The following CSNK2A2IP variants were observed in gnomAD, a reference collection of about 807,000 sequenced individuals.
CSNK2A2IP encodes casein kinase 2 subunit alpha' interacting protein, also known as casein kinase II subunit alpha'-interacting protein.
At chr3:88,352,192 A>G in the CSNK2A2IP span, among the ~76,000 whole-genome samples, 1 of 152,128 alleles carries the variant, frequency 6.6e-6, no homozygotes, top group African/African-American at 2.4e-5. Flanking sequence ...ATTGTTAGTG[A>G]GTTCATGTTA....
At chr3:88,342,670 A>G in the CSNK2A2IP span, among the ~76,000 whole-genome samples, 2 of 151,274 alleles carry the variant, frequency 1.3e-5, no homozygotes, top group Non-Finnish European at 2.9e-5. Context: ...GCACATGTCT[A>G]TATTGTCAGA....
At chr3:88,439,592 A>C in the CSNK2A2IP span, among the ~76,000 whole-genome samples, 1 of 151,730 alleles carries the variant, frequency 6.6e-6, no homozygotes, top group Non-Finnish European at 1.5e-5. Context: ...AAATACAAAA[A>C]TTATCTGAGC....
chr3:88,447,224 C>T, the CSNK2A2IP span, among the ~76,000 whole-genome samples: 1 of 151,864 alleles, frequency 6.6e-6, no homozygotes, highest in Admixed American at 6.6e-5. Flanking sequence ...ACATAAATGG[C>T]CAAAATTTAG....
chr3:88,353,231 A>T, the CSNK2A2IP span, among the ~76,000 whole-genome samples: 1 of 152,172 alleles, frequency 6.6e-6, no homozygotes, highest in Non-Finnish European at 1.5e-5. Flanking sequence ...TATTCATTCA[A>T]CAAACTTGTA....
the CSNK2A2IP span, among the ~76,000 whole-genome samples, chr3:88,464,873 T>C: frequency 7.2e-5 from 11 of 152,210 alleles, no homozygotes; most frequent in Non-Finnish European, 1.5e-4. Flanking sequence ...CCCAATAAGT[T>C]AAATATCATA....
At chr3:88,376,358 A>G in the CSNK2A2IP span, among the ~76,000 whole-genome samples, 1 of 149,212 alleles carries the variant, frequency 6.7e-6, no homozygotes. Flanking sequence ...CAGCAAATAT[A>G]TTTTTTTTTT....
the CSNK2A2IP span, among the ~76,000 whole-genome samples, chr3:88,433,934 A>G: frequency 6.6e-6 from 1 of 152,170 alleles, no homozygotes. Context: ...GTTTGTGATC[A>G]GGACTGGTCA....
the CSNK2A2IP span, among the ~76,000 whole-genome samples, chr3:88,364,194 A>G: frequency 1.3e-5 from 2 of 151,832 alleles, no homozygotes; most frequent in African/African-American, 4.8e-5. Flanking sequence ...TTCACTTCAT[A>G]TGTCTCCCAT....
the CSNK2A2IP span, chr3:88,466,741 A>C: frequency 1.1e-6 from 1 of 906,058 alleles, no homozygotes; most frequent in Non-Finnish European, 1.4e-6. Context: ...GGGAAGGCCA[A>C]ATCCTCATCC....
At chr3:88,434,028 T>C in the CSNK2A2IP span, among the ~76,000 whole-genome samples, 4,798 of 152,300 alleles carry the variant, frequency 0.032, 119 homozygotes, top group Non-Finnish European at 0.051. Flanking sequence ...AGATTTTTTG[T>C]TATTTCAAGC....
At chr3:88,428,195 C>A in the CSNK2A2IP span, among the ~76,000 whole-genome samples, 3 of 152,130 alleles carry the variant, frequency 2.0e-5, no homozygotes, top group Non-Finnish European at 4.4e-5. Flanking sequence ...GGTCCTATAG[C>A]CCCTTTGTTT....
chr3:88,391,798 G>C, the CSNK2A2IP span, among the ~76,000 whole-genome samples: 2 of 152,284 alleles, frequency 1.3e-5, no homozygotes, highest in South Asian at 4.1e-4. Context: ...TGTACAATCT[G>C]GTAAGCCTTG....
At chr3:88,350,595 A>G in the CSNK2A2IP span, among the ~76,000 whole-genome samples, 1 of 32,950 alleles carries the variant, frequency 3.0e-5, no homozygotes, top group Non-Finnish European at 1.9e-4. Context: ...AAATTCAAAG[A>G]TGATGAAAAA....
At chr3:88,444,256 G>T in the CSNK2A2IP span, among the ~76,000 whole-genome samples, 1 of 134,806 alleles carries the variant, frequency 7.4e-6, no homozygotes, top group East Asian at 2.1e-4. Context: ...ATAAAATAAA[G>T]GGTACAAAAA....
At chr3:88,429,016 T>G in the CSNK2A2IP span, among the ~76,000 whole-genome samples, 1 of 85,856 alleles carries the variant, frequency 1.2e-5, no homozygotes, top group African/African-American at 4.6e-5. Flanking sequence ...ATATTGGCCC[T>G]TGATTTTAGA....
At chr3:88,419,053 T>C in the CSNK2A2IP span, among the ~76,000 whole-genome samples, 3 of 152,064 alleles carry the variant, frequency 2.0e-5, no homozygotes, top group Non-Finnish European at 4.4e-5. Context: ...TCTGTCACTG[T>C]CTCCCATCAC....
At chr3:88,418,463 T>TGCGCGCGCGCGCGCGCGCGCGC in the CSNK2A2IP span, among the ~76,000 whole-genome samples, 4 of 149,534 alleles carry the variant, frequency 2.7e-5, no homozygotes, top group African/African-American at 9.9e-5. Flanking sequence ...TGTGTGTGTG[T>TGCGCGCGCGCGCGCGCGCGCGC]GCGCGCGGGC....
At chr3:88,424,039 G>T in the CSNK2A2IP span, among the ~76,000 whole-genome samples, 1 of 151,990 alleles carries the variant, frequency 6.6e-6, no homozygotes, top group Non-Finnish European at 1.5e-5. Context: ...ATTTCAACTC[G>T]GATATACTTG....
the CSNK2A2IP span, among the ~76,000 whole-genome samples, chr3:88,406,164 T>C: frequency 0.017 from 2,537 of 152,224 alleles, 33 homozygotes; most frequent in Non-Finnish European, 0.026. Flanking sequence ...TTTCAAGATA[T>C]AAAAATGCTA....
Sources: allele counts gnomAD v4.1 joint callset (sites outside exome capture counted in the v4.1 genomes callset), GRCh38; gene constraint gnomAD v4.1.1; transcripts MANE v1.5; gene names NCBI Gene and HGNC (gene_info 2026-07-23, HGNC 2026-07-21).